KAZN: variants seen among roughly 807,000 people sequenced by gnomAD.
The protein encoded by KAZN is kazrin.
A neutral mutation model predicts 87.4 loss-of-function variants in KAZN; 40 were observed. The ratio of observed to expected loss-of-function variants is 0.46; its 90% CI spans 0.36 to 0.60. The LOEUF (loss-of-function observed/expected upper bound fraction) is 0.60, where lower values mean the gene tolerates loss of function less well. KAZN is among the 20% of genes least tolerant of loss of function. The probability of loss-of-function intolerance (pLI) is 0.00; values close to 1 mark genes in which losing one functional copy is unlikely to be tolerated. For synonymous variants in KAZN, 466 were observed against 458.3 expected (o/e 1.02, Z -0.22); for missense variants, 898 against 1,073.9 (o/e 0.84, Z 2.29).
chr1:14,396,749 C>T (rs1662931476), intron 2 of KAZN, among the ~76,000 whole-genome samples: 1 of 152,210 alleles, frequency 6.6e-6, no homozygotes, highest in African/African-American at 2.4e-5. Context: ...TAAACATCTA[C>T]AATAAATGCA....
At chr1:15,075,337 C>G (rs1253539908) in intron 8 of KAZN, among the ~76,000 whole-genome samples, 4 of 152,184 alleles carry the variant, frequency 2.6e-5, no homozygotes, top group Non-Finnish European at 5.9e-5. Flanking sequence ...TATCTCCACC[C>G]CTTATAGATC....
rs1053111721 is a variant in KAZN, at chr1:15,088,535, C to T, written c.1223-5645C>T. On this transcript the variant is annotated intron_variant, in intron 8 of 14. Coordinates refer to ENST00000376030, the MANE Select transcript of KAZN (RefSeq NM_201628.3). ...CCACCAGGGACTCAGCCAGCACCCG[C>T]GACTCGGCAGCCCCTCCGCTGAGCA... Among the ~76,000 whole-genome samples the T allele has an allele frequency of 2.6e-5, 4 of 152,292 alleles. No individual in the cohort carries two copies. In the South Asian group the frequency reaches 6.2e-4, roughly 24 times the overall value.
At chr1:15,010,080 T>C (rs1407149411) in intron 2 of KAZN, among the ~76,000 whole-genome samples, 9 of 152,256 alleles carry the variant, frequency 5.9e-5, no homozygotes, top group Admixed American at 4.6e-4. Context: ...TTAGTTTTAA[T>C]ATCTTTTTAA....
chr1:14,986,623 C>T (rs1319635795), intron 2 of KAZN, among the ~76,000 whole-genome samples: 2 of 152,062 alleles, frequency 1.3e-5, no homozygotes, highest in Non-Finnish European at 2.9e-5. Flanking sequence ...TCTAGCATGA[C>T]GCCCCCAACC....
At chr1:14,527,042 T>C (rs1329945389) in intron 2 of KAZN, among the ~76,000 whole-genome samples, 1 of 152,192 alleles carries the variant, frequency 6.6e-6, no homozygotes. Flanking sequence ...GTACCTATTA[T>C]TGCATAAGAA....
intron 1 of KAZN, among the ~76,000 whole-genome samples, chr1:14,037,188 C>T (rs535471706): frequency 6.6e-6 from 1 of 152,316 alleles, no homozygotes; most frequent in African/African-American, 2.4e-5. Context: ...CTCTCCATGC[C>T]AGTAAATACA....
At chr1:14,971,661 G>GT (rs111599289) in intron 2 of KAZN, among the ~76,000 whole-genome samples, 3,271 of 116,394 alleles carry the variant, frequency 0.028, 58 homozygotes, top group South Asian at 0.083. Context: ...ACCAGGAGTT[G>GT]TTTTTTTTTT....
intron 1 of KAZN, among the ~76,000 whole-genome samples, chr1:14,052,981 C>A (rs1642404326): frequency 6.6e-6 from 1 of 152,098 alleles, no homozygotes; most frequent in Non-Finnish European, 1.5e-5. Flanking sequence ...GGTGTCTGTG[C>A]CCTTGTGTAT....
chr1:14,146,705 G>GAA (rs34508324), intron 1 of KAZN, among the ~76,000 whole-genome samples: 1 of 137,304 alleles, frequency 7.3e-6, no homozygotes. Context: ...GATCATCTCA[G>GAA]AAAAAAAAAA....
At chr1:14,335,363 T>TG (rs1657176839) in intron 2 of KAZN, among the ~76,000 whole-genome samples, 1 of 151,918 alleles carries the variant, frequency 6.6e-6, no homozygotes, top group Admixed American at 6.6e-5. Flanking sequence ...CCACCACACC[T>TG]GGCTAATTTT....
intron 2 of KAZN, among the ~76,000 whole-genome samples, chr1:14,369,370 G>A (rs1257624342): frequency 2.0e-5 from 3 of 152,202 alleles, no homozygotes; most frequent in Non-Finnish European, 4.4e-5. Flanking sequence ...CTTAAAGGAT[G>A]TGCATGAGCC....
chr1:13,949,035 G>T (rs1043189942), intron 1 of KAZN, among the ~76,000 whole-genome samples: 8 of 152,086 alleles, frequency 5.3e-5, no homozygotes, highest in African/African-American at 1.9e-4. Flanking sequence ...CAATAAATAC[G>T]CTGATAAATG....
intron 1 of KAZN, among the ~76,000 whole-genome samples, chr1:13,998,010 T>C (rs1639607866): frequency 1.3e-5 from 2 of 152,162 alleles, no homozygotes; most frequent in Non-Finnish European, 2.9e-5. Context: ...GGAAGCTCAT[T>C]AGACTAACAG....
At chr1:14,267,321 T>G (rs905067818) in intron 2 of KAZN, among the ~76,000 whole-genome samples, 1 of 144,182 alleles carries the variant, frequency 6.9e-6, no homozygotes. Flanking sequence ...AGAATTGTCT[T>G]GGGCTACACA....
At chr1:13,893,436 C>T (rs1638913223) in exon 1 of KAZN, 3 of 558,270 alleles carry the variant, frequency 5.4e-6, no homozygotes, top group Non-Finnish European at 8.7e-6. Context: ...GCAAGATTTG[C>T]CAAGGCTTAT....
At position 13,937,051 on chromosome 1, in the gene KAZN, G is replaced by GTT. The variant is rs70984302; in HGVS notation, c.91+43307_91+43308dup. 1.3e-3 allele frequency among the ~76,000 whole-genome samples: 179 copies of GTT among 134,756 alleles called. 1 individual carries two copies. Among genetic ancestry groups the GTT allele is most frequent in the African/African-American group, 4.3e-3 (159 of 36,894 alleles). The allele number at this position is 134,756 out of a possible 152,430, so 88.4% of individuals were successfully genotyped here. On this transcript the variant is annotated intron_variant, in intron 1 of 16. Transcript: ENST00000636203. ...TTTTTCCCCACTTTTTTTTTCTTTT[G>GTT]TTTTTTTTTTTTTGAAATGGAGTCT...
intron 1 of KAZN, among the ~76,000 whole-genome samples, chr1:13,983,635 C>T (rs1236889055): frequency 2.6e-5 from 4 of 152,216 alleles, no homozygotes; most frequent in Non-Finnish European, 5.9e-5. Flanking sequence ...GGCTGAAGGG[C>T]TCCTCAAGTG....
At chr1:14,374,905 G>A (rs1011456685) in intron 2 of KAZN, among the ~76,000 whole-genome samples, 1 of 152,126 alleles carries the variant, frequency 6.6e-6, no homozygotes, top group Non-Finnish European at 1.5e-5. Context: ...GATTAACCAA[G>A]AGCGATCACA....
chr1:14,733,288 C>T (rs760724522), intron 1 of KAZN, among the ~76,000 whole-genome samples: 32 of 152,174 alleles, frequency 2.1e-4, no homozygotes, highest in Non-Finnish European at 4.0e-4. Context: ...CAGGACAAGT[C>T]CCAGAGAAAC....
Sources: allele counts gnomAD v4.1 joint callset (sites outside exome capture counted in the v4.1 genomes callset), GRCh38; gene constraint gnomAD v4.1.1; transcripts MANE v1.5; gene names NCBI Gene and HGNC (gene_info 2026-07-23, HGNC 2026-07-21).